Variants in ELAC2 observed in about 807,000 individuals in gnomAD.
ELAC2 encodes elaC ribonuclease Z 2.
ELAC2 carries 92 observed loss-of-function variants against 105.2 expected under a neutral mutation model. The observed-to-expected ratio is 0.87, with a 90% CI of 0.74 to 1.04. ELAC2 has a LOEUF of 1.04. ELAC2 is among the 50% of genes least tolerant of loss of function. ELAC2 has a pLI of 0.00. For missense variants in ELAC2, 1,099 were observed against 1,071.7 expected, an observed-to-expected ratio of 1.03 and a Z score of -0.36; for synonymous variants, 468 against 409.1, an observed-to-expected ratio of 1.14 and a Z score of -1.74.
chr17:13,000,491 C>T (rs902764055), intron 14 of ELAC2: 23 of 601,742 alleles, frequency 3.8e-5, no homozygotes, highest in Non-Finnish European at 3.6e-5. Context: ...CGGGGAACTA[C>T]TGATGCTCAG....
intron 3 of ELAC2, 65 bp downstream of exon 3, chr17:13,016,796 TG>T: frequency 7.3e-7 from 1 of 1,369,360 alleles, no homozygotes; most frequent in Non-Finnish European, 9.9e-7. Context: ...CTTGGAAAAA[TG>T]GTAAAGCCGG....
At chr17:12,996,391 A>G (rs1177780554) in intron 17 of ELAC2, 156 bp downstream of exon 17, 8 of 1,020,664 alleles carry the variant, frequency 7.8e-6, no homozygotes, top group Middle Eastern at 2.0e-4. Flanking sequence ...CAGAAGGACT[A>G]TGTTGAGTTT....
At chr17:12,993,604 TC>T (rs2143546403) in intron 23 of ELAC2, 82 bp downstream of exon 23, 1 of 1,599,448 alleles carries the variant, frequency 6.3e-7, no homozygotes, top group East Asian at 2.2e-5. Flanking sequence ...GAAAGCAAAC[TC>T]CAGCTGACCG....
rs952528848 is a variant in ELAC2 at position 12,992,484 on chromosome 17, T to C, written c.*334A>G. The C allele has an allele frequency of 2.0e-5, 9 of 455,164 alleles. No individual in the cohort carries two copies. The highest frequency in any genetic ancestry group is 1.1e-4 in the Admixed American group (3 of 27,868). 28.2% of individuals were successfully genotyped at this position (455,164 alleles called of 1,614,324 possible). On this transcript the variant is annotated 3_prime_UTR_variant, in exon 24 of 24. Coordinates refer to ENST00000338034, the MANE Select transcript of ELAC2 (RefSeq NM_018127.7). ...ATCCTGTTACTCTGCTTGTCTCTGG[T>C]GTGCAGGGAATCACTTTGCTGGATT...
chr17:13,002,464 G>T lies in ELAC2; in HGVS notation c.1195C>A (p.Leu399Met). 2 of 1,611,226 alleles carry T rather than the reference G, an allele frequency of 1.2e-6. No individual in the cohort carries two copies. The highest frequency in any genetic ancestry group is 1.7e-6 in the Non-Finnish European group (2 of 1,178,516). ...ACCTTACAGCGGAAACTGGTGAGCAGGGGGAAGATGTCCGGGTGGATGAGG... is the reference window on the plus strand; with the variant it reads ...ACCTTACAGCGGAAACTGGTGAGCATGGGGAAGATGTCCGGGTGGATGAGG... ...LNLIHPDIFP[L>M]LTSFRCKKEG... The change falls in exon 13 of 24, where the codon CTG (leucine) becomes ATG (methionine). Residue 399 changes from leucine (L) to methionine (M), a missense_variant. Coordinates refer to ENST00000338034, the MANE Select transcript of ELAC2 (RefSeq NM_018127.7).
chr17:13,015,072 A>G (rs1409607247), intron 4 of ELAC2, among the ~76,000 whole-genome samples: 2 of 152,108 alleles, frequency 1.3e-5, no homozygotes, highest in African/African-American at 4.8e-5. Context: ...TTTTGATTGT[A>G]TTGCAATGGG....
At chr17:12,997,047 G>A (rs2040512449) in intron 16 of ELAC2, among the ~76,000 whole-genome samples, 1 of 152,052 alleles carries the variant, frequency 6.6e-6, no homozygotes. Flanking sequence ...GAAAATACCA[G>A]GACAGGCACT....
rs747104908 is a variant in ELAC2, at chr17:12,993,789, C to G, written c.2151G>C (p.Ala717=). The change falls in exon 23 of 24, where the codon GCG becomes GCC. Residue 717 remains alanine, a synonymous_variant. Coordinates refer to ENST00000338034, the MANE Select transcript of ELAC2 (RefSeq NM_018127.7). ...QAISVGMRMN[A]EFIMLNHFSQ... is the part of the protein sequence containing the mutation. ...TGAAGTGGTTCAGCATAATGAACTC[C>G]GCGTTCATCCGCATCCCCACGCTGA... The G allele has an allele frequency of 1.2e-6, 2 of 1,614,164 alleles. No homozygotes were observed. The highest frequency in any genetic ancestry group is 1.7e-6 in the Non-Finnish European group (2 of 1,180,030).
chr17:13,007,863 G>A (rs1297337472), intron 8 of ELAC2, among the ~76,000 whole-genome samples: 2 of 151,946 alleles, frequency 1.3e-5, no homozygotes, highest in African/African-American at 2.4e-5. Context: ...GGGCAACACA[G>A]AAAGACTCCG....
intron 22 of ELAC2, 47 bp from the exon 23 acceptor site, chr17:12,993,878 A>G (rs2040331596): frequency 6.2e-7 from 1 of 1,613,330 alleles, no homozygotes; most frequent in South Asian, 1.1e-5. Flanking sequence ...CAACTGCAAG[A>G]CTGCAAAGCA....
intron 8 of ELAC2, among the ~76,000 whole-genome samples, chr17:13,010,149 G>T (rs2041336311): frequency 6.6e-6 from 1 of 151,852 alleles, no homozygotes; most frequent in Admixed American, 6.6e-5. Context: ...CTTGTTGCAG[G>T]CTCATTGCCA....
chr17:13,009,938 G>A lies in ELAC2; in HGVS notation c.738+675C>T, dbSNP rs150279905. ...TGGGAGGTGGAGGCTGCAGTGAGCC[G>A]AGATTGTGCCACTGCACACTCCAGC... On this transcript the variant is annotated intron_variant, in intron 8 of 23. Coordinates refer to ENST00000338034, the MANE Select transcript of ELAC2 (RefSeq NM_018127.7). Among the ~76,000 whole-genome samples the A allele has an allele frequency of 9.8e-3, 1,405 of 142,970 alleles. 52 individuals are homozygous for A. In the East Asian group the frequency reaches 0.12, roughly 12 times the overall value. The allele number at this position is 142,970 out of a possible 152,430, so 93.8% of individuals were successfully genotyped here.
At position 12,998,414 on chromosome 17, in the gene ELAC2, T is replaced by C; in HGVS notation, c.1518A>G (p.Ile506Met). ...IRNVSATLVN[I>M]SPDTSLLLDC... ...TGCTTCCTGGGAAAGCAGCATACCT[T>C]ATGTTGACAAGTGTGGCACTGACAT... The change falls in exon 16 of 24, where the codon ATA becomes ATG. Residue 506 changes from isoleucine (I) to methionine (M), a missense_variant and splice_region_variant. Ile to Met is a conservative substitution (Grantham distance 10). Transcript: ENST00000338034. The C allele has an allele frequency of 1.9e-6, 3 of 1,614,070 alleles. No homozygotes were observed. The highest frequency in any genetic ancestry group is 2.5e-6 in the Non-Finnish European group (3 of 1,179,910).
intron 6 of ELAC2, 66 bp from the exon 7 acceptor site, chr17:13,011,848 G>A (rs1419049820): frequency 1.4e-5 from 22 of 1,612,292 alleles, no homozygotes; most frequent in Middle Eastern, 1.7e-4. Context: ...AGGCCCAGAC[G>A]TTCATACATG....
intron 8 of ELAC2, among the ~76,000 whole-genome samples, chr17:13,007,395 C>T (rs2041169581): frequency 6.6e-6 from 1 of 152,148 alleles, no homozygotes; most frequent in Non-Finnish European, 1.5e-5. Flanking sequence ...TCCTTATTCT[C>T]AGGGTTGTAG....
At chr17:13,009,129 A>G (rs1464803801) in intron 8 of ELAC2, among the ~76,000 whole-genome samples, 1 of 152,252 alleles carries the variant, frequency 6.6e-6, no homozygotes, top group Non-Finnish European at 1.5e-5. Context: ...AAAACTCAGA[A>G]ACATACAAGT....
At chr17:13,016,746 A>C (rs1025985085) in intron 3 of ELAC2, 116 bp downstream of exon 3, 47 of 127,322 alleles carry the variant, frequency 3.7e-4, no homozygotes, top group Middle Eastern at 3.2e-3. Context: ...CGCCACTGAC[A>C]AAAAAAAAAA....
intron 21 of ELAC2, 21 bp downstream of exon 21, chr17:12,994,743 C>CT (rs1382331274): frequency 6.2e-7 from 1 of 1,613,586 alleles, no homozygotes; most frequent in African/African-American, 1.3e-5. Flanking sequence ...CTCAGGGTGG[C>CT]TTGCTTCTTC....
chr17:12,999,614 G>A (rs2040658178), intron 15 of ELAC2, among the ~76,000 whole-genome samples: 1 of 152,184 alleles, frequency 6.6e-6, no homozygotes, highest in Non-Finnish European at 1.5e-5. Flanking sequence ...AGAATGCCTG[G>A]GTGCCATCGC....
Sources: gnomAD v4.1 joint callset for allele counts (sites outside exome capture counted in the v4.1 genomes callset) on GRCh38, gnomAD v4.1.1 for gene constraint, MANE v1.5 for transcripts, NCBI Gene and HGNC (gene_info 2026-07-23, HGNC 2026-07-21) for gene names.